DECR1: variants seen among roughly 807,000 people sequenced by gnomAD.
DECR1 encodes the protein 2,4-dienoyl-CoA reductase 1, also known as 2,4-dienoyl-CoA reductase [(3E)-enoyl-CoA-producing], mitochondrial.
In DECR1, 44 loss-of-function variants were observed where a neutral mutation model predicts 38.8. The observed-to-expected ratio is 1.13, with a 90% CI of 0.89 to 1.46. The LOEUF is 1.46. DECR1 is among the 40% of genes most tolerant of loss of function. The probability of loss-of-function intolerance (pLI) is 0.00; values close to 1 mark genes in which losing one functional copy is unlikely to be tolerated. For synonymous variants in DECR1, 148 were observed against 135.2 expected, an observed-to-expected ratio of 1.09 and a Z score of -0.66; for missense variants, 428 against 405.5, an observed-to-expected ratio of 1.06 and a Z score of -0.48.
At chr8:90,031,305 T>C (rs1813487486) in intron 5 of DECR1, among the ~76,000 whole-genome samples, 1 of 152,130 alleles carries the variant, frequency 6.6e-6, no homozygotes, top group African/African-American at 2.4e-5. Context: ...AAATGTTAGT[T>C]ATGAAAGAAA....
intron 2 of DECR1, among the ~76,000 whole-genome samples, chr8:90,017,615 G>A (rs1437768793): frequency 1.3e-5 from 2 of 152,162 alleles, no homozygotes; most frequent in Admixed American, 6.5e-5. Flanking sequence ...TTCTGTACAC[G>A]AAGATGAAGT....
intron 8 of DECR1, among the ~76,000 whole-genome samples, chr8:90,051,167 G>A (rs1366613514): frequency 1.4e-5 from 2 of 147,612 alleles, no homozygotes; most frequent in Non-Finnish European, 3.0e-5. Flanking sequence ...AGAACTTCAA[G>A]TATAATTAAA....
At chr8:90,050,023 A>T (rs911567495) in intron 8 of DECR1, among the ~76,000 whole-genome samples, 2 of 152,222 alleles carry the variant, frequency 1.3e-5, no homozygotes, top group African/African-American at 4.8e-5. Context: ...TACAAAAATT[A>T]ATTCAAGATG....
intron 8 of DECR1, among the ~76,000 whole-genome samples, chr8:90,048,405 C>T (rs1404201870): frequency 6.6e-6 from 1 of 152,122 alleles, no homozygotes; most frequent in East Asian, 1.9e-4. Context: ...ATACTATAAA[C>T]ACCACTATGC....
intron 1 of DECR1, among the ~76,000 whole-genome samples, chr8:90,008,132 C>T (rs917080943): frequency 2.6e-5 from 4 of 152,194 alleles, no homozygotes; most frequent in African/African-American, 4.8e-5. Context: ...ATTCCAGAAG[C>T]ATCCCAAGTG....
chr8:90,051,849 G>A lies in DECR1; in HGVS notation c.960G>A (p.Glu320=). 6.2e-7 allele frequency: 1 copy of A among 1,613,786 alleles called. No homozygotes were observed. Residue 320 remains glutamate (E), a synonymous_variant, in exon 10 of 10, where the codon GAG becomes GAA. Coordinates refer to ENST00000220764, the MANE Select transcript of DECR1 (RefSeq NM_001359.2). ...EFNDLRKVTK[E]QWDTIEELIR... is the part of the protein sequence containing the mutation. ...CTTTTTTGTGTTAGGTCACCAAGGA[G>A]CAGTGGGACACCATAGAAGAACTCA...
At chr8:90,034,591 A>G (rs905827021) in intron 5 of DECR1, among the ~76,000 whole-genome samples, 2 of 152,048 alleles carry the variant, frequency 1.3e-5, no homozygotes, top group Non-Finnish European at 2.9e-5. Context: ...AGCTGGAATT[A>G]CAGGCATGCC....
chr8:90,028,608 A>G (rs1813414580), intron 5 of DECR1, among the ~76,000 whole-genome samples: 1 of 152,120 alleles, frequency 6.6e-6, no homozygotes, highest in Admixed American at 6.6e-5. Flanking sequence ...GGAATACAGA[A>G]CAAGCAAAAT....
intron 5 of DECR1, among the ~76,000 whole-genome samples, chr8:90,026,385 T>C (rs1354573644): frequency 6.6e-6 from 1 of 152,174 alleles, no homozygotes; most frequent in Non-Finnish European, 1.5e-5. Context: ...CTTTTAATTA[T>C]TGCCTCAATT....
At chr8:90,025,199 A>C (rs902618509) in intron 5 of DECR1, among the ~76,000 whole-genome samples, 2 of 152,226 alleles carry the variant, frequency 1.3e-5, no homozygotes, top group Non-Finnish European at 2.9e-5. Context: ...TGTCTTGGCA[A>C]TGTGGGCTCT....
At chr8:90,036,784 C>A in intron 5 of DECR1, 57 bp from the exon 6 acceptor site, 1 of 1,081,676 alleles carries the variant, frequency 9.2e-7, no homozygotes. Context: ...TAATGTTTTC[C>A]TTATGTGTAG....
chr8:90,006,434 G>A (rs995078467), intron 1 of DECR1, among the ~76,000 whole-genome samples: 3 of 152,216 alleles, frequency 2.0e-5, no homozygotes, highest in African/African-American at 7.2e-5. Context: ...AACAGAGAGT[G>A]GGGAGGCAGG....
intron 1 of DECR1, among the ~76,000 whole-genome samples, chr8:90,004,191 C>T (rs967934197): frequency 2.6e-5 from 4 of 151,504 alleles, no homozygotes; most frequent in African/African-American, 4.9e-5. Flanking sequence ...GGCGTGGTGG[C>T]GCGTGCCTGT....
intron 6 of DECR1, 138 bp downstream of exon 6, chr8:90,037,078 A>G (rs1813636136): frequency 9.7e-6 from 6 of 617,344 alleles, no homozygotes; most frequent in East Asian, 2.8e-5. Flanking sequence ...CATACATTTT[A>G]TCTCCCAGAT....
At chr8:90,035,378 T>C (rs527649895) in intron 5 of DECR1, among the ~76,000 whole-genome samples, 1 of 152,176 alleles carries the variant, frequency 6.6e-6, no homozygotes, top group African/African-American at 2.4e-5. Flanking sequence ...GGGTTTTTCC[T>C]CAGTTTTTTT....
chr8:90,020,870 C>T, intron 4 of DECR1, 39 bp from the exon 5 acceptor site: 1 of 1,481,106 alleles, frequency 6.8e-7, no homozygotes, highest in African/African-American at 1.4e-5. Flanking sequence ...TGTTTTTCCT[C>T]ATCTAAAGTT....
At chr8:90,036,667 A>G (rs1487689660) in intron 5 of DECR1, among the ~76,000 whole-genome samples, 174 bp from the exon 6 acceptor site, 2 of 152,194 alleles carry the variant, frequency 1.3e-5, no homozygotes, top group Non-Finnish European at 2.9e-5. Flanking sequence ...GTAGCAAGAC[A>G]TATCAATTTT....
At chr8:90,043,158 TA>T (rs1260588879) in intron 7 of DECR1, among the ~76,000 whole-genome samples, 1 of 152,022 alleles carries the variant, frequency 6.6e-6, no homozygotes, top group Non-Finnish European at 1.5e-5. Context: ...CATCCTTTTT[TA>T]AAAAAAATCA....
At chr8:90,020,711 G>C (rs1813132143) in intron 4 of DECR1, among the ~76,000 whole-genome samples, 198 bp from the exon 5 acceptor site, 1 of 152,134 alleles carries the variant, frequency 6.6e-6, no homozygotes, top group East Asian at 1.9e-4. Flanking sequence ...AGACGGCTTA[G>C]GATTCTGAAA....
Sources: allele counts gnomAD v4.1 joint callset (sites outside exome capture counted in the v4.1 genomes callset), GRCh38; gene constraint gnomAD v4.1.1; transcripts MANE v1.5; gene names NCBI Gene and HGNC (gene_info 2026-07-23, HGNC 2026-07-21).